PTPRJ: variants seen among roughly 807,000 people sequenced by gnomAD.
The protein encoded by PTPRJ is protein tyrosine phosphatase receptor type J, also known as receptor-type tyrosine-protein phosphatase eta.
In PTPRJ, 129 loss-of-function variants were observed where a neutral mutation model predicts 141.3. The observed-to-expected ratio is 0.91, with a 90% confidence interval of 0.79 to 1.06. The LOEUF is 1.06. PTPRJ is among the 50% of genes least tolerant of loss of function. The pLI, the probability that PTPRJ is intolerant of heterozygous loss-of-function variation, is 0.00. For missense variants in PTPRJ, 1,601 were observed against 1,679.7 expected (o/e 0.95, Z 0.82); for synonymous variants, 610 against 640.5 (o/e 0.95, Z 0.72).
chr11:48,131,031 T>TACACACACACACACAC lies in PTPRJ; in HGVS notation c.1615+321_1615+336dup, dbSNP rs368230622. ...TAATACATATATATTTAATATTTAA[T>TACACACACACACACAC]ACACACACACACACACACACATATA... On this transcript the variant is annotated intron_variant, in intron 8 of 24. Transcript: ENST00000418331. 9.8e-4 allele frequency among the ~76,000 whole-genome samples: 68 copies of TACACACACACACACAC among 69,072 alleles called. 1 individual carries two copies. The highest frequency in any genetic ancestry group is 2.2e-3 in the East Asian group (4 of 1,852). The allele number at this position is 69,072 out of a possible 152,430, so 45.3% of individuals were successfully genotyped here.
At chr11:48,040,884 G>T (rs562348715) in intron 1 of PTPRJ, among the ~76,000 whole-genome samples, 2 of 152,236 alleles carry the variant, frequency 1.3e-5, no homozygotes, top group Non-Finnish European at 2.9e-5. Context: ...TTACAGGCGT[G>T]AGCCACCATG....
chr11:48,102,271 A>G (rs956349413), intron 1 of PTPRJ, among the ~76,000 whole-genome samples: 1 of 152,204 alleles, frequency 6.6e-6, no homozygotes, highest in Non-Finnish European at 1.5e-5. Context: ...TTACTAGGGA[A>G]TGGCTGTGAA....
chr11:48,125,991 C>T (rs983878034), intron 6 of PTPRJ, among the ~76,000 whole-genome samples: 1 of 151,934 alleles, frequency 6.6e-6, no homozygotes, highest in Non-Finnish European at 1.5e-5. Flanking sequence ...GGGAGGCTCT[C>T]GGGTGAGGAG....
chr11:48,060,048 A>C (rs1854876630), intron 1 of PTPRJ, among the ~76,000 whole-genome samples: 2 of 151,738 alleles, frequency 1.3e-5, no homozygotes, highest in African/African-American at 4.8e-5. Context: ...TGTTAAGTGA[A>C]CTCCCCTGGT....
chr11:48,148,425 C>G (rs1442953040), intron 15 of PTPRJ, among the ~76,000 whole-genome samples: 2 of 151,792 alleles, frequency 1.3e-5, no homozygotes, highest in African/African-American at 4.8e-5. Context: ...TTGTTGGCAG[C>G]TTCATTTCAT....
Position 48,142,930 on chromosome 11 carries a change from C to T in PTPRJ, c.2455C>T (p.Pro819Ser), listed in dbSNP as rs564372875. The change falls in exon 12 of 25, where the codon CCA (proline) becomes TCA (serine). Residue 819 changes from proline (P) to serine (S), a missense_variant. Transcript: ENST00000418331. ...CTTGITDPPPPDGSPNITSVS... is the reference protein window; with the variant it reads ...CTTGITDPPPSDGSPNITSVS... Reference sequence around the variant, plus strand: ...TTGTTTTGTTTTAGATCCCCCTCCTCCAGATGGATCCCCTAATATTACATC... The same window carrying T: ...TTGTTTTGTTTTAGATCCCCCTCCTTCAGATGGATCCCCTAATATTACATC... 3 of 1,613,806 alleles carry T rather than the reference C, an allele frequency of 1.9e-6. No homozygotes were observed. In the South Asian group the frequency reaches 3.3e-5, roughly 18 times the overall value.
At chr11:48,081,252 G>A (rs1412011390) in intron 1 of PTPRJ, among the ~76,000 whole-genome samples, 7 of 152,230 alleles carry the variant, frequency 4.6e-5, no homozygotes. Flanking sequence ...GCCCCCTCCT[G>A]CCGGCGACAG....
At chr11:48,109,666 CT>C (rs1164375291) in intron 1 of PTPRJ, among the ~76,000 whole-genome samples, 1 of 151,528 alleles carries the variant, frequency 6.6e-6, no homozygotes, top group Non-Finnish European at 1.5e-5. Flanking sequence ...ACCCAACCCC[CT>C]TTTTTTGGCC....
intron 1 of PTPRJ, among the ~76,000 whole-genome samples, chr11:48,053,262 ATAT>A (rs1453577905): frequency 0.055 from 4,878 of 88,606 alleles, 504 homozygotes; most frequent in African/African-American, 0.22. Context: ...TATATATAAT[ATAT>A]TATATAAATA....
intron 22 of PTPRJ, 96 bp downstream of exon 22, chr11:48,160,145 C>T: frequency 6.7e-7 from 1 of 1,486,710 alleles, no homozygotes. Context: ...ATATGTTTTC[C>T]TATGCAGTGA....
chr11:48,052,315 G>C (rs1014796299), intron 1 of PTPRJ, among the ~76,000 whole-genome samples: 1 of 152,242 alleles, frequency 6.6e-6, no homozygotes, highest in African/African-American at 2.4e-5. Context: ...CTTGAAATGT[G>C]CAAGTGTGGT....
intron 8 of PTPRJ, among the ~76,000 whole-genome samples, chr11:48,135,471 C>A (rs529780168): frequency 7.2e-6 from 1 of 139,074 alleles, no homozygotes; most frequent in East Asian, 2.1e-4. Flanking sequence ...TCCACCGCGC[C>A]TGGCCTTTTT....
intron 9 of PTPRJ, among the ~76,000 whole-genome samples, chr11:48,136,793 A>G (rs1857111011): frequency 6.6e-6 from 1 of 152,212 alleles, no homozygotes. Context: ...AAGTATTAAA[A>G]GAAGCCTAAA....
At position 48,123,656 on chromosome 11, in the gene PTPRJ, G is replaced by A. The variant is rs1856762301; in HGVS notation, c.660G>A (p.Val220=). 1.2e-6 allele frequency: 2 copies of A among 1,614,184 alleles called. No homozygotes were observed. Among genetic ancestry groups the A allele is most frequent in the Non-Finnish European group, 1.7e-6 (2 of 1,180,018 alleles). ...VSDLRVALTG[V]RKAALSWSNG... ...ATCTCCGTGTTGCCCTCACGGGTGT[G>A]AGGAAGGCTGCTCTCTCCTGGAGCA... Residue 220 remains valine (V), a synonymous_variant, in exon 5 of 25, where the codon GTG becomes GTA. Coordinates refer to ENST00000418331, the MANE Select transcript of PTPRJ (RefSeq NM_002843.4).
At chr11:48,118,825 C>CA (rs1214633313) in intron 3 of PTPRJ, among the ~76,000 whole-genome samples, 3 of 152,006 alleles carry the variant, frequency 2.0e-5, no homozygotes, top group African/African-American at 7.2e-5. Flanking sequence ...TATGAATCAA[C>CA]AAAATTTAGT....
intron 1 of PTPRJ, among the ~76,000 whole-genome samples, chr11:48,093,681 T>A (rs1855930361): frequency 6.6e-6 from 1 of 151,908 alleles, no homozygotes; most frequent in Non-Finnish European, 1.5e-5. Flanking sequence ...AATAAGCAAA[T>A]GTTGTGAATT....
chr11:47,984,566 T>G (rs1853997022), intron 1 of PTPRJ, among the ~76,000 whole-genome samples: 1 of 137,800 alleles, frequency 7.3e-6, no homozygotes, highest in South Asian at 2.1e-4. Flanking sequence ...TATTTGTTTG[T>G]TTTTTTTTTT....
intron 1 of PTPRJ, among the ~76,000 whole-genome samples, chr11:47,982,892 T>C (rs1314993169): frequency 6.6e-6 from 1 of 151,774 alleles, no homozygotes; most frequent in East Asian, 1.9e-4. Context: ...AGGACTCTCT[T>C]ATTTCTTTTT....
intron 1 of PTPRJ, among the ~76,000 whole-genome samples, chr11:48,097,106 C>T (rs958317931): frequency 2.0e-5 from 3 of 152,172 alleles, no homozygotes; most frequent in Non-Finnish European, 4.4e-5. Context: ...AGTCTCAGGC[C>T]GGTCCACAGA....
Sources: allele counts gnomAD v4.1 joint callset (sites outside exome capture counted in the v4.1 genomes callset), GRCh38; gene constraint gnomAD v4.1.1; transcripts MANE v1.5; gene names NCBI Gene and HGNC (gene_info 2026-07-23, HGNC 2026-07-21).